The following SGSM2 variants were observed in gnomAD, a reference collection of about 807,000 sequenced individuals.
SGSM2 encodes small G protein signaling modulator 2.
SGSM2 carries 89 observed loss-of-function variants against 126.6 expected under a neutral mutation model. The ratio of observed to expected loss-of-function variants is 0.70; its 90% CI spans 0.59 to 0.84. SGSM2 has a LOEUF of 0.84. Ranked by LOEUF, SGSM2 falls within the 40% of genes least tolerant of loss-of-function variation. The probability of loss-of-function intolerance (pLI) is 0.00; values close to 1 mark genes in which losing one functional copy is unlikely to be tolerated. For synonymous variants in SGSM2, 614 were observed against 574.3 expected (o/e 1.07, Z -0.99); for missense variants, 1,404 against 1,416.6 (o/e 0.99, Z 0.14).
chr17:2,360,081 G>A lies in SGSM2; in HGVS notation c.134-1556G>A, dbSNP rs778661724. ...ATGTGGGCCGGGCGCGGTGCCTCAC[G>A]CCTGTAATCCCAGCACTTTGAGAGG... On this transcript the variant is annotated intron_variant, in intron 2 of 23. Transcript: ENST00000268989. 2.3e-4 allele frequency among the ~76,000 whole-genome samples: 35 copies of A among 152,284 alleles called. No homozygotes were observed. In the Middle Eastern group the frequency reaches 0.01, roughly 44 times the overall value.
chr17:2,372,815 A>T lies in SGSM2; in HGVS notation c.1789-138A>T. 8.3e-7 allele frequency: 1 copy of T among 1,210,754 alleles called. No individual in the cohort carries two copies. Among genetic ancestry groups the T allele is most frequent in the Non-Finnish European group, 1.1e-6 (1 of 884,392 alleles). The allele number at this position is 1,210,754 out of a possible 1,614,324, so 75.0% of individuals were successfully genotyped here. A position where few individuals can be genotyped will look rare whatever the true frequency, so the allele number is the denominator to read the frequency against. On this transcript the variant is annotated intron_variant, in intron 15 of 23. Transcript: ENST00000268989. This position sits in a 1 kb window ranked among gnomAD's most constrained non-coding sequence, Gnocchi z 6.0. Reference sequence around the variant, plus strand: ...AGCTGGGGCACGGGAGGACGTGGCCACCCCAAAGCAGGCCTTGCCTGGGCT... The same window carrying T: ...AGCTGGGGCACGGGAGGACGTGGCCTCCCCAAAGCAGGCCTTGCCTGGGCT...
chr17:2,361,002 C>T (rs935367130), intron 2 of SGSM2, among the ~76,000 whole-genome samples: 16 of 152,230 alleles, frequency 1.1e-4, no homozygotes, highest in African/African-American at 3.9e-4. Context: ...CACAGGGCAG[C>T]TCCCTACTGT....
rs921370477 is a variant in SGSM2 at position 2,340,777 on chromosome 17, G to A, written c.58-2768G>A. On this transcript the variant is annotated intron_variant, in intron 1 of 23. Transcript: ENST00000268989. ...TTTTTTGTATTTTTAGTAGAGACGG[G>A]GTTTCACCATGTTAGCCAGGATGGT... 5.9e-5 allele frequency among the ~76,000 whole-genome samples: 9 copies of A among 152,054 alleles called. No individual in the cohort carries two copies. In the East Asian group the frequency reaches 1.6e-3, roughly 26 times the overall value.
At chr17:2,343,756 G>A in intron 2 of SGSM2, 136 bp downstream of exon 2, 1 of 718,420 alleles carries the variant, frequency 1.4e-6, no homozygotes, top group Admixed American at 2.6e-5. Context: ...GGAAGCTTTT[G>A]AAATCCTCTT....
At chr17:2,369,619 T>C (rs1422675936) in intron 12 of SGSM2, among the ~76,000 whole-genome samples, 1 of 152,168 alleles carries the variant, frequency 6.6e-6, no homozygotes, top group African/African-American at 2.4e-5. Flanking sequence ...TGAAGAGCAT[T>C]GGCCCAGGAG....
At chr17:2,376,585 C>T in intron 19 of SGSM2, 148 bp from the exon 20 acceptor site, 2 of 884,668 alleles carry the variant, frequency 2.3e-6, no homozygotes, top group Non-Finnish European at 3.6e-6. Context: ...TCCCCGTTGT[C>T]TCCCTGTGGG....
chr17:2,357,452 C>G lies in SGSM2; in HGVS notation c.134-4185C>G, dbSNP rs142207610. 1.5e-3 allele frequency among the ~76,000 whole-genome samples: 232 copies of G among 152,282 alleles called. 1 individual carries two copies. The highest frequency in any genetic ancestry group is 5.4e-3 in the African/African-American group (223 of 41,540). On this transcript the variant is annotated intron_variant, in intron 2 of 23. Transcript: ENST00000268989. ...ACTCAGCCATAAAAAGGAATACATT[C>G]ATGGCATTCGCAGCAACCTGGATGG...
intron 2 of SGSM2, among the ~76,000 whole-genome samples, chr17:2,347,419 T>G (rs2064647881): frequency 6.6e-6 from 1 of 151,886 alleles, no homozygotes; most frequent in Admixed American, 6.6e-5. Context: ...ATTTTTTTTT[T>G]TTTTTTTTAA....
Position 2,379,661 on chromosome 17 carries a change from T to C in SGSM2, c.*141T>C. On this transcript the variant is annotated 3_prime_UTR_variant, in exon 24 of 24. Transcript: ENST00000268989. ...AAGCGGTTGTGAGCCTGGATCCGAC[T>C]CCCGGCAGTGCTGACCCTGCAGGGC... 1 of 1,455,052 alleles carries C rather than the reference T, an allele frequency of 6.9e-7. No individual in the cohort carries two copies. 90.1% of individuals were successfully genotyped at this position (1,455,052 alleles called of 1,614,324 possible). A position where few individuals can be genotyped will look rare whatever the true frequency, so the allele number is the denominator to read the frequency against.
In SGSM2 at chr17:2,363,645, G is replaced by A. The variant is rs754634441; in HGVS notation, c.807+46G>A. 1.3e-5 allele frequency: 21 copies of A among 1,601,482 alleles called. No homozygotes were observed. Among genetic ancestry groups the A allele is most frequent in the South Asian group, 2.2e-5 (2 of 90,300 alleles). ...CATCCCTCCCCGAAGGTCCCCGAAC[G>A]AGACGACTGGAAGCCTCTAGCCATG... On this transcript the variant is annotated intron_variant, in intron 7 of 23. Coordinates refer to ENST00000268989, the MANE Select transcript of SGSM2 (RefSeq NM_014853.3). This position sits in a 1 kb window ranked among gnomAD's most constrained non-coding sequence, Gnocchi z 4.2.
At chr17:2,365,406 C>T (rs972736278) in intron 11 of SGSM2, 65 bp downstream of exon 11, 23 of 1,470,346 alleles carry the variant, frequency 1.6e-5, no homozygotes, top group East Asian at 1.0e-4. Flanking sequence ...GGGAGCGCAG[C>T]GTCACCCAGG....
chr17:2,348,834 C>G (rs2064718874), intron 2 of SGSM2, among the ~76,000 whole-genome samples: 2 of 152,116 alleles, frequency 1.3e-5, no homozygotes, highest in Admixed American at 6.5e-5. Flanking sequence ...GTGATCATAG[C>G]TCACTCAGCC....
rs1316539878 is a variant in SGSM2 at position 2,365,710 on chromosome 17, C to T, written c.1288+369C>T. Among the ~76,000 whole-genome samples, 4 of 151,774 alleles carry T rather than the reference C, an allele frequency of 2.6e-5. No homozygotes were observed. In the East Asian group the frequency reaches 7.7e-4, roughly 29 times the overall value. On this transcript the variant is annotated intron_variant, in intron 11 of 23. Coordinates refer to ENST00000268989, the MANE Select transcript of SGSM2 (RefSeq NM_014853.3). ...CTCTTCACCTCCTGCTCCCCAACCC[C>T]TACAAGACAGCCTGGGTATGGGACC...
intron 13 of SGSM2, 42 bp downstream of exon 13, chr17:2,371,457 C>T: frequency 2.6e-6 from 4 of 1,551,026 alleles, no homozygotes; most frequent in Non-Finnish European, 3.5e-6. Context: ...GTTAGCGTGT[C>T]CAGCCACGTG....
chr17:2,376,173 C>T lies in SGSM2; in HGVS notation c.2521C>T (p.Arg841Cys), dbSNP rs1309377550. The change falls in exon 19 of 24, where the codon CGC (arginine) becomes TGC (cysteine). Residue 841 changes from arginine to cysteine, a missense_variant. Arg to Cys is a radical substitution (Grantham distance 180). Coordinates refer to ENST00000268989, the MANE Select transcript of SGSM2 (RefSeq NM_014853.3). ...GGACACTGTGGCCTTAAACCTGCAC[C>T]GCATAGACAAGGATGTGCAGAGGTG... ...LLDTVALNLH[R>C]IDKDVQRCDR... 1.9e-6 allele frequency: 3 copies of T among 1,614,106 alleles called. No individual in the cohort carries two copies. The highest frequency in any genetic ancestry group is 2.5e-6 in the Non-Finnish European group (3 of 1,180,010).
At chr17:2,376,868 G>C in intron 20 of SGSM2, 53 bp downstream of exon 20, 2 of 1,611,394 alleles carry the variant, frequency 1.2e-6, no homozygotes, top group South Asian at 1.1e-5. Flanking sequence ...GAAAGGACGA[G>C]AGGGTGGCCA....
chr17:2,371,084 G>T (rs73296287), intron 12 of SGSM2, among the ~76,000 whole-genome samples, 178 bp from the exon 13 acceptor site: 2 of 152,112 alleles, frequency 1.3e-5, no homozygotes. Flanking sequence ...AGTGTCAGGC[G>T]CCCTCTCTCC....
chr17:2,376,151 C>G lies in SGSM2; in HGVS notation c.2499C>G (p.Asp833Glu). ...CACTCTTCCAGATAGAATTACTGGA[C>G]ACTGTGGCCTTAAACCTGCACCGCA... Reference protein sequence around the residue: ...CAAAYTIELLDTVALNLHRID... With the variant: ...CAAAYTIELLETVALNLHRID... Residue 833 changes from aspartate to glutamate, a missense_variant, in exon 19 of 24, where the codon GAC becomes GAG. Transcript: ENST00000268989. 1 of 1,614,100 alleles carries G rather than the reference C, an allele frequency of 6.2e-7. No homozygotes were observed. The highest frequency in any genetic ancestry group is 1.1e-5 in the South Asian group (1 of 91,090).
intron 10 of SGSM2, 53 bp downstream of exon 10, chr17:2,365,110 C>A: frequency 6.3e-7 from 1 of 1,598,728 alleles, no homozygotes; most frequent in Non-Finnish European, 8.6e-7. Context: ...GTTCTCTGCC[C>A]GCCTCCCTTC....
Sources: gnomAD v4.1 joint callset for allele counts (sites outside exome capture counted in the v4.1 genomes callset) on GRCh38, gnomAD v4.1.1 for gene constraint, Gnocchi (gnomAD v3.1) non-coding constraint, MANE v1.5 for transcripts, NCBI Gene and HGNC (gene_info 2026-07-23, HGNC 2026-07-21) for gene names.